PCDHA12: variants seen among roughly 807,000 people sequenced by gnomAD.
The protein encoded by PCDHA12 is protocadherin alpha 12.
A neutral mutation model predicts 60.0 loss-of-function variants in PCDHA12; 44 were observed. The ratio of observed to expected loss-of-function variants is 0.73; its 90% CI spans 0.58 to 0.94. The LOEUF (loss-of-function observed/expected upper bound fraction) is 0.94. Among genes scored for constraint, PCDHA12 ranks in the 40% least tolerant of loss-of-function variants. The pLI is 0.00. For synonymous variants in PCDHA12, 569 were observed against 553.0 expected (o/e 1.03, Z -0.40); for missense variants, 1,276 against 1,239.7 (o/e 1.03, Z -0.44).
chr5:141,000,399 A>C (rs77386673), intron 3 of PCDHA12, among the ~76,000 whole-genome samples: 2,158 of 66,344 alleles, frequency 0.033, 38 homozygotes, highest in Non-Finnish European at 0.044. Context: ...CTCTCTCTAT[A>C]TATATATATA....
chr5:140,944,582 C>T (rs1273246926), intron 1 of PCDHA12, among the ~76,000 whole-genome samples: 1 of 152,146 alleles, frequency 6.6e-6, no homozygotes, highest in Non-Finnish European at 1.5e-5. Flanking sequence ...GAGATCACTT[C>T]AGAATTTCCC....
At chr5:140,990,705 G>A (rs2097408066) in intron 3 of PCDHA12, among the ~76,000 whole-genome samples, 1 of 152,132 alleles carries the variant, frequency 6.6e-6, no homozygotes, top group Non-Finnish European at 1.5e-5. Flanking sequence ...AGATTTATGG[G>A]GATAAGAGCA....
rs782568393 is a variant in PCDHA12 at position 141,011,637 on chromosome 5, C to G, written c.*1700C>G. The G allele has an allele frequency of 2.0e-5, 3 of 153,526 alleles. No homozygotes were observed. Among genetic ancestry groups the G allele is most frequent in the Non-Finnish European group, 4.4e-5 (3 of 68,022 alleles). The allele number at this position is 153,526 out of a possible 1,614,324, so 9.5% of individuals were successfully genotyped here. ...GGTCCAGCCAAGAGCCATCTCGTGC[C>G]AAGACTTCTGCTGGCAAGGGAATGG... is the stretch of plus-strand genomic sequence containing the variant. On this transcript the variant is annotated 3_prime_UTR_variant, in exon 4 of 4. Transcript: ENST00000398631.
chr5:140,950,671 A>G (rs1222424193), intron 1 of PCDHA12, among the ~76,000 whole-genome samples: 2 of 152,074 alleles, frequency 1.3e-5, no homozygotes, highest in Non-Finnish European at 2.9e-5. Context: ...TCAAACATGT[A>G]CATGTATATT....
At chr5:140,996,795 C>G (rs1554255407) in intron 3 of PCDHA12, among the ~76,000 whole-genome samples, 1 of 152,170 alleles carries the variant, frequency 6.6e-6, no homozygotes, top group East Asian at 1.9e-4. Flanking sequence ...CTCCCTACAT[C>G]CAATCATGCT....
chr5:140,986,736 A>C (rs1056820843), intron 3 of PCDHA12, among the ~76,000 whole-genome samples: 1 of 152,206 alleles, frequency 6.6e-6, no homozygotes, highest in South Asian at 2.1e-4. Context: ...TCAAGACCCC[A>C]GGGGATCTGG....
At chr5:140,967,425 C>T in intron 1 of PCDHA12, 1 of 1,613,294 alleles carries the variant, frequency 6.2e-7, no homozygotes, top group Non-Finnish European at 8.5e-7. Flanking sequence ...CGGGAGCAGG[C>T]AGCCTTGCAC....
chr5:141,010,031 A>G lies in PCDHA12; in HGVS notation c.*94A>G, dbSNP rs113710382. The stretch of plus-strand genomic sequence containing the variant: ...TTCCCTGCTCCTTTTTCCTATCTAC[A>G]TGAGCCCTCTTAGAGACCTCAGAAA... On this transcript the variant is annotated 3_prime_UTR_variant, in exon 4 of 4. Transcript: ENST00000398631. 1.9e-6 allele frequency: 3 copies of G among 1,581,690 alleles called. No individual in the cohort carries two copies. The highest frequency in any genetic ancestry group is 2.6e-6 in the Non-Finnish European group (3 of 1,166,446).
At chr5:140,891,100 G>T (rs544877951) in intron 1 of PCDHA12, among the ~76,000 whole-genome samples, 1 of 152,206 alleles carries the variant, frequency 6.6e-6, no homozygotes, top group East Asian at 1.9e-4. Context: ...TTGCTGTCAA[G>T]AATTTAGCTG....
At chr5:140,911,744 C>T (rs758009837) in intron 1 of PCDHA12, among the ~76,000 whole-genome samples, 2 of 151,280 alleles carry the variant, frequency 1.3e-5, no homozygotes, top group Non-Finnish European at 2.9e-5. Flanking sequence ...CAAGGACTAT[C>T]AGTGTTCTCC....
intron 1 of PCDHA12, chr5:140,928,844 C>G (rs782361945): frequency 6.2e-7 from 1 of 1,614,168 alleles, no homozygotes; most frequent in Admixed American, 1.7e-5. Context: ...TCCTCTGTCA[C>G]TCTGGGTGTG....
chr5:141,003,608 C>T (rs951443168), intron 3 of PCDHA12, among the ~76,000 whole-genome samples: 3 of 152,136 alleles, frequency 2.0e-5, no homozygotes, highest in East Asian at 1.9e-4. Flanking sequence ...CCACCATTCC[C>T]GGCCCCAGAG....
At chr5:140,969,522 T>C in intron 1 of PCDHA12, 5 of 1,397,290 alleles carry the variant, frequency 3.6e-6, no homozygotes, top group Non-Finnish European at 4.7e-6. Context: ...AAGAATTGTT[T>C]TATTTTTCAT....
intron 1 of PCDHA12, among the ~76,000 whole-genome samples, chr5:140,970,168 G>T (rs1050888983): frequency 6.6e-6 from 1 of 152,168 alleles, no homozygotes; most frequent in Non-Finnish European, 1.5e-5. Context: ...ACCTTTCTTG[G>T]CATACTCTGA....
At chr5:140,984,612 G>T (rs2097111075) in intron 3 of PCDHA12, among the ~76,000 whole-genome samples, 1 of 152,026 alleles carries the variant, frequency 6.6e-6, no homozygotes, top group Admixed American at 6.6e-5. Flanking sequence ...CTGCATCAGT[G>T]GTGTAAAGTT....
chr5:140,887,043 A>G (rs1459489169), intron 1 of PCDHA12, among the ~76,000 whole-genome samples: 1 of 151,986 alleles, frequency 6.6e-6, no homozygotes, highest in Admixed American at 6.6e-5. Context: ...TATTTTTTAT[A>G]GTGCATATGT....
rs545348313 is a variant in PCDHA12, at chr5:140,968,526, C to T, written c.2368-10423C>T. ...ATTCTGTACCCTACCTCAACCAACTCGTCAGCAGCCTTCGAGATGGTGCCT... is the reference window on the plus strand; with the variant it reads ...ATTCTGTACCCTACCTCAACCAACTTGTCAGCAGCCTTCGAGATGGTGCCT... On this transcript the variant is annotated intron_variant, in intron 1 of 3. Transcript: ENST00000398631. 9.9e-6 allele frequency: 16 copies of T among 1,614,200 alleles called. No individual in the cohort carries two copies. The Admixed American group carries it at 1.3e-4, about 13-fold the overall frequency.
intron 1 of PCDHA12, among the ~76,000 whole-genome samples, chr5:140,936,344 T>C (rs1403940424): frequency 6.6e-6 from 1 of 152,224 alleles, no homozygotes; most frequent in Non-Finnish European, 1.5e-5. Context: ...TATCTGCATA[T>C]ATGGAATGTG....
chr5:140,982,611 T>G, intron 3 of PCDHA12, 48 bp downstream of exon 3: 2 of 1,600,048 alleles, frequency 1.2e-6, no homozygotes, highest in South Asian at 2.2e-5. Flanking sequence ...TGGAAAGTGA[T>G]CAGATGACCT....
Sources: allele counts gnomAD v4.1 joint callset (sites outside exome capture counted in the v4.1 genomes callset), GRCh38; gene constraint gnomAD v4.1.1; transcripts MANE v1.5; gene names NCBI Gene and HGNC (gene_info 2026-07-23, HGNC 2026-07-21).